ARHGAP33: variants seen among roughly 807,000 people sequenced by gnomAD.
The protein encoded by ARHGAP33 is Rho GTPase activating protein 33.
A neutral mutation model predicts 126.2 loss-of-function variants in ARHGAP33; 57 were observed. That is an observed-to-expected ratio of 0.45 (90% CI 0.36 to 0.56). ARHGAP33 has a LOEUF of 0.56. Among genes scored for constraint, ARHGAP33 ranks in the 20% least tolerant of loss-of-function variants. The pLI is 0.00. For missense variants in ARHGAP33, 1,500 were observed against 1,748.3 expected (o/e 0.86, Z 2.53); for synonymous variants, 711 against 755.0 (o/e 0.94, Z 0.95).
intron 6 of ARHGAP33, 110 bp from the exon 7 acceptor site, chr19:35,780,101 G>C (rs1971672634): frequency 2.8e-6 from 4 of 1,437,062 alleles, no homozygotes; most frequent in Admixed American, 1.8e-5. Flanking sequence ...TGAGTGACAG[G>C]GGCTCTTGAC....
rs763737482 is a variant in ARHGAP33 at position 35,785,449 on chromosome 19, C to T, written c.1908C>T (p.Ser636=). The T allele has an allele frequency of 2.2e-5, 36 of 1,614,214 alleles. 1 individual carries two copies. The Admixed American group carries it at 4.7e-4, about 21-fold the overall frequency. The stretch of plus-strand genomic sequence containing the variant: ...CCGTCACACTGAGATCTGCCAAGAG[C>T]GAGGAGTCTCTGTCATCGCAGGCCA... The part of the protein sequence containing the change: ...PDTVTLRSAK[S]EESLSSQASG... The change falls in exon 19 of 21, where the codon AGC becomes AGT. Residue 636 remains serine, a synonymous_variant. Coordinates refer to ENST00000007510, the MANE Select transcript of ARHGAP33 (RefSeq NM_001366178.1).
Position 35,787,010 on chromosome 19 carries a change from C to A in ARHGAP33, c.2540C>A (p.Pro847Gln), listed in dbSNP as rs776070452. ...IPLLLRGAEA[P>Q]LTDACQQEMC... is the part of the protein sequence containing the mutation. ...CTGCTGCTGCGAGGAGCCGAGGCCC[C>A]GCTGACTGACGCCTGCCAGCAGGAG... Residue 847 changes from proline (P) to glutamine (Q), a missense_variant, in exon 20 of 21, where the codon CCG becomes CAG. Around this residue, in one of 6 missense-constraint regions of ARHGAP33, gnomAD observed 642 missense variants for 634.0 expected, o/e 1.01. Coordinates refer to ENST00000007510, the MANE Select transcript of ARHGAP33 (RefSeq NM_001366178.1). 4.6e-5 allele frequency: 74 copies of A among 1,609,190 alleles called. No individual in the cohort carries two copies. The highest frequency in any genetic ancestry group is 6.1e-5 in the Non-Finnish European group (72 of 1,177,986).
In ARHGAP33 at chr19:35,782,263, G is replaced by T. The variant is rs1313753723; in HGVS notation, c.1086-110G>T. 14 of 1,274,430 alleles carry T rather than the reference G, an allele frequency of 1.1e-5. No individual in the cohort carries two copies. The highest frequency in any genetic ancestry group is 1.5e-5 in the Non-Finnish European group (14 of 907,628). 78.9% of individuals were successfully genotyped at this position (1,274,430 alleles called of 1,614,324 possible). On this transcript the variant is annotated intron_variant, in intron 12 of 20. Transcript: ENST00000007510. This position sits in a 1 kb window ranked among gnomAD's most constrained non-coding sequence, Gnocchi z 4.1. The stretch of plus-strand genomic sequence containing the variant: ...AGAGCCCAGTGTAGGACCTGGGGAA[G>T]AGGGTTCCATCCACCTGCGGGCACT...
At position 35,781,016 on chromosome 19, in the gene ARHGAP33, G is replaced by T. The variant is rs768397311; in HGVS notation, c.926G>T (p.Arg309Leu). Residue 309 changes from arginine (R) to leucine (L), a missense_variant, in exon 11 of 21, where the codon CGA (arginine) becomes CTA (leucine). Arg to Leu is a moderately radical substitution (Grantham distance 102, BLOSUM62 -2). Around this residue, in one of 6 missense-constraint regions of ARHGAP33, gnomAD observed 281 missense variants for 413.7 expected, o/e 0.68. Coordinates refer to ENST00000007510, the MANE Select transcript of ARHGAP33 (RefSeq NM_001366178.1). ...CGGCTGCGGCAGCGGGGAATCCTGCGACAGAGGGTGTTTGGCTGCGATCTT... is the reference window on the plus strand; with the variant it reads ...CGGCTGCGGCAGCGGGGAATCCTGCTACAGAGGGTGTTTGGCTGCGATCTT... ...RQRLRQRGILRQRVFGCDLGE... is the reference protein window; with the variant it reads ...RQRLRQRGILLQRVFGCDLGE... The T allele has an allele frequency of 5.0e-6, 8 of 1,612,198 alleles. No homozygotes were observed. Among genetic ancestry groups the T allele is most frequent in the Non-Finnish European group, 6.8e-6 (8 of 1,179,900 alleles).
chr19:35,780,865 T>A (rs1971728693), intron 10 of ARHGAP33, 49 bp downstream of exon 10: 1 of 1,612,930 alleles, frequency 6.2e-7, no homozygotes, highest in African/African-American at 1.3e-5. Context: ...ACCAGGCCCC[T>A]GGCCATGCTG....
chr19:35,778,803 T>TC, intron 5 of ARHGAP33: 1 of 927,054 alleles, frequency 1.1e-6, no homozygotes, highest in Non-Finnish European at 1.6e-6. Flanking sequence ...CATGGGGAGT[T>TC]CCAGGGGGTC....
rs1247804458 is a variant in ARHGAP33, at chr19:35,778,332, T to G, written c.242T>G (p.Leu81Arg). 6 of 1,614,058 alleles carry G rather than the reference T, an allele frequency of 3.7e-6. No homozygotes were observed. Among genetic ancestry groups the G allele is most frequent in the Non-Finnish European group, 4.2e-6 (5 of 1,180,026 alleles). Residue 81 changes from leucine (L) to arginine (R), a missense_variant, in exon 4 of 21, where the codon CTG (leucine) becomes CGG (arginine). This residue lies in a region of ARHGAP33 where 129 missense variants were observed against 145.9 expected (regional missense o/e 0.88). Coordinates refer to ENST00000007510, the MANE Select transcript of ARHGAP33 (RefSeq NM_001366178.1). ...CCCAGCCTCTCTGGAGAGAATGAGC[T>G]GGTGTTCGGGGTGCAGGTGACCTGT... ...EGPSLSGENELVFGVQVTCQG... is the reference protein window; with the variant it reads ...EGPSLSGENERVFGVQVTCQG...
At chr19:35,784,800 C>T in intron 16 of ARHGAP33, 153 bp from the exon 17 acceptor site, 1 of 1,364,954 alleles carries the variant, frequency 7.3e-7, no homozygotes, top group Non-Finnish European at 9.4e-7. Flanking sequence ...CTGCCTGCTG[C>T]CCGCCTGCTC....
chr19:35,786,800 A>G lies in ARHGAP33; in HGVS notation c.2330A>G (p.Gln777Arg). Reference sequence around the variant, plus strand: ...GCCTTCCCACCCAGGGTGACCCCCCAGGCCATCTCGCCCCGGGGGCCCACC... The same window carrying G: ...GCCTTCCCACCCAGGGTGACCCCCCGGGCCATCTCGCCCCGGGGGCCCACC... ...ASAFPPRVTP[Q>R]AISPRGPTSP... Residue 777 changes from glutamine to arginine, a missense_variant, in exon 20 of 21, where the codon CAG becomes CGG. Gln to Arg is a conservative substitution (Grantham distance 43). Transcript: ENST00000007510. The surrounding 1 kb of genome is among the most constrained non-coding windows in gnomAD (Gnocchi z 7.0). The G allele has an allele frequency of 1.6e-6, 2 of 1,268,864 alleles. No individual in the cohort carries two copies. The highest frequency in any genetic ancestry group is 2.0e-6 in the Non-Finnish European group (2 of 989,178). The allele number at this position is 1,268,864 out of a possible 1,614,324, so 78.6% of individuals were successfully genotyped here. A position where few individuals can be genotyped will look rare whatever the true frequency, so the allele number is the denominator to read the frequency against.
Position 35,782,583 on chromosome 19 carries a change from G to A in ARHGAP33, c.1231-14G>A. ...CTCTGGCCCAGACCTCATCACACCT[G>A]CCCACCATCTCAGGAGGCCATGTCA... is the stretch of plus-strand genomic sequence containing the variant. On this transcript the variant is annotated splice_polypyrimidine_tract_variant and intron_variant, in intron 13 of 20. Coordinates refer to ENST00000007510, the MANE Select transcript of ARHGAP33 (RefSeq NM_001366178.1). The surrounding 1 kb of genome is among the most constrained non-coding windows in gnomAD (Gnocchi z 4.1). 6.2e-7 allele frequency: 1 copy of A among 1,613,728 alleles called. No individual in the cohort carries two copies. The highest frequency in any genetic ancestry group is 1.1e-5 in the South Asian group (1 of 91,022).
Position 35,787,733 on chromosome 19 carries a change from C to A in ARHGAP33, c.3168C>A (p.Gly1056=), listed in dbSNP as rs550232739. Residue 1056 remains glycine, a synonymous_variant, in exon 21 of 21, where the codon GGC becomes GGA. Coordinates refer to ENST00000007510, the MANE Select transcript of ARHGAP33 (RefSeq NM_001366178.1). The stretch of plus-strand genomic sequence containing the variant: ...CCAAGCCAGGCTTGTACCCCCTGGG[C>A]CCCCCATCCTTCCAGCCCAGTTCCC... ...GVPKPGLYPL[G]PPSFQPSSPA... is the part of the protein sequence containing the mutation. The A allele has an allele frequency of 1.9e-6, 3 of 1,583,928 alleles. No individual in the cohort carries two copies. Among genetic ancestry groups the A allele is most frequent in the African/African-American group, 2.7e-5 (2 of 73,118 alleles).
Position 35,780,612 on chromosome 19 carries a change from C to G in ARHGAP33, c.733C>G (p.Leu245Val). 1 of 1,602,866 alleles carries G rather than the reference C, an allele frequency of 6.2e-7. No individual in the cohort carries two copies. Among genetic ancestry groups the G allele is most frequent in the African/African-American group, 1.3e-5 (1 of 74,080 alleles). The change falls in exon 9 of 21, where the codon CTC (leucine) becomes GTC (valine). Residue 245 changes from leucine (L) to valine (V), a missense_variant. Physicochemically the swap from Leu to Val is conservative, Grantham distance 32. Coordinates refer to ENST00000007510, the MANE Select transcript of ARHGAP33 (RefSeq NM_001366178.1). ...VGFFPSECVE[L>V]FTERPGPGLK... The stretch of plus-strand genomic sequence containing the variant: ...GTTCTTCCCCAGTGAGTGTGTGGAA[C>G]TCTTCACAGAGCGGCCAGGTCCGGG...
rs751980421 is a variant in ARHGAP33, at chr19:35,788,013, C to T, written c.3448C>T (p.Leu1150Phe). ...CCCCTCCTGCTTTCCCCCTGACCAC[C>T]TTGGCTACTCAGCCCCCCAGCACCC... ...PAPSCFPPDH[L>F]GYSAPQHPAR... The change falls in exon 21 of 21, where the codon CTT (leucine) becomes TTT (phenylalanine). Residue 1150 changes from leucine to phenylalanine, a missense_variant. Leu to Phe is a conservative substitution (Grantham distance 22). Transcript: ENST00000007510. 5 of 1,606,670 alleles carry T rather than the reference C, an allele frequency of 3.1e-6. No homozygotes were observed. The highest frequency in any genetic ancestry group is 1.1e-5 in the South Asian group (1 of 90,754).
Position 35,788,072 on chromosome 19 carries a change from C to T in ARHGAP33, c.3507C>T (p.Tyr1169=), listed in dbSNP as rs765929698. 33 of 1,611,730 alleles carry T rather than the reference C, an allele frequency of 2.0e-5. 1 individual carries two copies. The highest frequency in any genetic ancestry group is 5.5e-5 in the South Asian group (5 of 91,002). The change falls in exon 21 of 21, where the codon TAC becomes TAT. Residue 1169 remains tyrosine, a synonymous_variant. Coordinates refer to ENST00000007510, the MANE Select transcript of ARHGAP33 (RefSeq NM_001366178.1). ...GCCCTACACCGCCTGAGCCCCTCTA[C>T]GTCAACCTAGCTCTAGGGCCCAGGG... ...ARRPTPPEPL[Y]VNLALGPRGP...
chr19:35,782,875 C>T lies in ARHGAP33; in HGVS notation c.1421+6C>T. Reference sequence around the variant, plus strand: ...TGGGCACCCAACCTGCTACGGTGAGCTGCTTGCTCGCCTGCCTGCCCCTCA... The same window carrying T: ...TGGGCACCCAACCTGCTACGGTGAGTTGCTTGCTCGCCTGCCTGCCCCTCA... On this transcript the variant is annotated splice_donor_region_variant and intron_variant, in intron 15 of 20. Transcript: ENST00000007510. The surrounding 1 kb of genome is among the most constrained non-coding windows in gnomAD (Gnocchi z 4.1). The T allele has an allele frequency of 6.2e-7, 1 of 1,604,790 alleles. No individual in the cohort carries two copies. Among genetic ancestry groups the T allele is most frequent in the Non-Finnish European group, 8.5e-7 (1 of 1,175,630 alleles).
Position 35,787,423 on chromosome 19 carries a change from C to G in ARHGAP33, c.2858C>G (p.Pro953Arg). ...GGGACCTCAGGGAGTGGGCCACCTCCCAACTCCCTAGCACACCCGGGTGCC... is the reference window on the plus strand; with the variant it reads ...GGGACCTCAGGGAGTGGGCCACCTCGCAACTCCCTAGCACACCCGGGTGCC... Reference protein sequence around the residue: ...PLGTSGSGPPPNSLAHPGAWV... With the variant: ...PLGTSGSGPPRNSLAHPGAWV... The change falls in exon 21 of 21, where the codon CCC (proline) becomes CGC (arginine). Residue 953 changes from proline to arginine, a missense_variant. Pro to Arg is a moderately radical substitution (Grantham distance 103). This residue lies in a region of ARHGAP33 where 642 missense variants were observed against 634.0 expected (regional missense o/e 1.01). Coordinates refer to ENST00000007510, the MANE Select transcript of ARHGAP33 (RefSeq NM_001366178.1). The G allele has an allele frequency of 3.1e-6, 5 of 1,611,602 alleles. No individual in the cohort carries two copies. Among genetic ancestry groups the G allele is most frequent in the Non-Finnish European group, 4.2e-6 (5 of 1,179,006 alleles).
At chr19:35,784,445 G>T in intron 16 of ARHGAP33, 128 bp downstream of exon 16, 1 of 1,423,082 alleles carries the variant, frequency 7.0e-7, no homozygotes, top group Non-Finnish European at 9.1e-7. Context: ...GCTCCTTGAG[G>T]ATCCCGCCCC....
chr19:35,788,644 G>T lies in ARHGAP33; in HGVS notation c.*215G>T, dbSNP rs1972251002. The stretch of plus-strand genomic sequence containing the variant: ...TCCCCCCACCACCCTCCATCCTGGG[G>T]GCCCTCGCACAAATCTGGGGTGGGA... On this transcript the variant is annotated 3_prime_UTR_variant, in exon 21 of 21. Coordinates refer to ENST00000007510, the MANE Select transcript of ARHGAP33 (RefSeq NM_001366178.1). 1 of 516,412 alleles carries T rather than the reference G, an allele frequency of 1.9e-6. No homozygotes were observed. Among genetic ancestry groups the T allele is most frequent in the South Asian group, 3.0e-5 (1 of 33,826 alleles). 32.0% of individuals were successfully genotyped at this position (516,412 alleles called of 1,614,324 possible).
rs4806206 is a variant in ARHGAP33, at chr19:35,785,996, G to A, written c.1943-417G>A. 3.9e-3 allele frequency: 4,301 copies of A among 1,093,800 alleles called. 214 individuals carry two copies. The East Asian group carries it at 0.099, about 25-fold the overall frequency. The allele number at this position is 1,093,800 out of a possible 1,614,324, so 67.8% of individuals were successfully genotyped here. On this transcript the variant is annotated intron_variant, in intron 19 of 20. Coordinates refer to ENST00000007510, the MANE Select transcript of ARHGAP33 (RefSeq NM_001366178.1). ...TGGGGAGCTTGGCTTTTTCTCCATC[G>A]CTACCTCACAGCCCGCCGCGCTGCT...
Sources: gnomAD v4.1 joint callset for allele counts on GRCh38, gnomAD v4.1.1 for gene constraint, gnomAD v4.1.1 regional missense constraint, Gnocchi (gnomAD v3.1) non-coding constraint, MANE v1.5 for transcripts, NCBI Gene and HGNC (gene_info 2026-07-23, HGNC 2026-07-21) for gene names.